Variants in GBA1 observed in about 807,000 individuals in gnomAD.
GBA1 encodes lysosomal acid glucosylceramidase.
the GBA1 span, chr1:155,237,849 T>A: frequency 1.5e-6 from 1 of 680,266 alleles, no homozygotes; most frequent in Non-Finnish European, 2.4e-6. Flanking sequence ...TTACAGTGAG[T>A]GAAGATGGCG....
the GBA1 span, chr1:155,235,823 C>G: frequency 2.5e-6 from 4 of 1,614,194 alleles, no homozygotes; most frequent in Non-Finnish European, 3.4e-6. Context: ...TCGGTCCAGC[C>G]GACCACATGG....
chr1:155,238,455 C>T, the GBA1 span: 107 of 1,486,376 alleles, frequency 7.2e-5, no homozygotes, highest in Non-Finnish European at 3.6e-5. Flanking sequence ...CAGACCTACC[C>T]TACAGTTTCT....
the GBA1 span, chr1:155,235,984 TG>T: frequency 2.0e-6 from 2 of 987,804 alleles, no homozygotes; most frequent in African/African-American, 3.2e-5. Context: ...GCTAAGGAGT[TG>T]GGGGTGTGAA....
the GBA1 span, chr1:155,235,725 G>A: frequency 3.7e-6 from 6 of 1,613,542 alleles, no homozygotes; most frequent in African/African-American, 6.7e-5. Flanking sequence ...TGTAAAACGT[G>A]TCCTTGGTGA....
At chr1:155,239,890 GC>G in the GBA1 span, 1 of 1,614,088 alleles carries the variant, frequency 6.2e-7, no homozygotes, top group Non-Finnish European at 8.5e-7. Context: ...GGTTACCTGT[GC>G]CCGTGTGATT....
At chr1:155,235,769 G>T in the GBA1 span, 1 of 1,614,184 alleles carries the variant, frequency 6.2e-7, no homozygotes, top group South Asian at 1.1e-5. Context: ...ACAAAGTTAC[G>T]CACCCAATTG....
the GBA1 span, chr1:155,238,894 A>G: frequency 3.8e-6 from 2 of 527,140 alleles, no homozygotes; most frequent in South Asian, 3.9e-5. Flanking sequence ...CAGGAACCAA[A>G]TGTCAGGGAT....
the GBA1 span, chr1:155,236,197 A>T: frequency 6.7e-7 from 1 of 1,491,458 alleles, no homozygotes; most frequent in Non-Finnish European, 9.3e-7. Flanking sequence ...TGAAACTAGT[A>T]AGAGGTCTGA....
chr1:155,235,629 T>C, the GBA1 span: 10 of 1,515,520 alleles, frequency 6.6e-6, no homozygotes, highest in African/African-American at 5.5e-5. Context: ...AGCCATCCGA[T>C]GTAGGAGATG....
the GBA1 span, among the ~76,000 whole-genome samples, chr1:155,242,670 G>A: frequency 6.6e-6 from 1 of 151,422 alleles, no homozygotes; most frequent in Non-Finnish European, 1.5e-5. Context: ...GCCCAGGCTG[G>A]AGTGCAGTGT....
At chr1:155,240,995 T>C in the GBA1 span, 6 of 1,258,520 alleles carry the variant, frequency 4.8e-6, no homozygotes, top group Non-Finnish European at 5.8e-6. Context: ...ATGATGGCCC[T>C]GGATTCAAAG....
At chr1:155,236,765 G>A in the GBA1 span, among the ~76,000 whole-genome samples, 1 of 151,544 alleles carries the variant, frequency 6.6e-6, no homozygotes, top group East Asian at 1.9e-4. Flanking sequence ...GTGTGTATGT[G>A]TGTGTATGTA....
the GBA1 span, chr1:155,235,354 C>T: frequency 1.9e-6 from 3 of 1,602,926 alleles, no homozygotes; most frequent in African/African-American, 4.0e-5. Context: ...GGGGTACCTC[C>T]CATGAAACCC....
chr1:155,236,426 G>C, the GBA1 span: 11 of 1,614,068 alleles, frequency 6.8e-6, no homozygotes, highest in Admixed American at 1.0e-4. Flanking sequence ...CCAATGTACA[G>C]CAATGCCATG....
the GBA1 span, chr1:155,235,867 G>A: frequency 6.2e-7 from 1 of 1,614,238 alleles, no homozygotes; most frequent in Non-Finnish European, 8.5e-7. Context: ...CAAAGGCAAA[G>A]AGACAAAGGC....
chr1:155,242,296 C>T, the GBA1 span, among the ~76,000 whole-genome samples: 4 of 151,246 alleles, frequency 2.6e-5, no homozygotes, highest in South Asian at 8.4e-4. Flanking sequence ...GATCTTGGCT[C>T]ACTGCAACCT....
chr1:155,244,529 C>CTG, the GBA1 span: 2 of 152,218 alleles, frequency 1.3e-5, no homozygotes, highest in African/African-American at 4.8e-5. Context: ...AAACAGCAGC[C>CTG]CCAACCGGAG....
the GBA1 span, chr1:155,241,361 C>G: frequency 2.0e-5 from 12 of 602,958 alleles, no homozygotes; most frequent in South Asian, 4.0e-5. Context: ...TCATCTGTTA[C>G]AGATTATATG....
At chr1:155,240,711 G>A in the GBA1 span, 12 of 1,613,290 alleles carry the variant, frequency 7.4e-6, no homozygotes, top group Non-Finnish European at 1.0e-5. Context: ...AAAGGCTTGG[G>A]ACATTCCTGA....
Sources: gnomAD v4.1 joint callset for allele counts (sites outside exome capture counted in the v4.1 genomes callset) on GRCh38, gnomAD v4.1.1 for gene constraint, MANE v1.5 for transcripts, NCBI Gene and HGNC (gene_info 2026-07-23, HGNC 2026-07-21) for gene names.